SPG11: variants seen among roughly 807,000 people sequenced by gnomAD.
The protein encoded by SPG11 is spatacsin.
Under a neutral mutation model 274.0 loss-of-function variants are expected in SPG11, and 222 were observed. That is an observed-to-expected ratio of 0.81 (90% CI 0.73 to 0.91). SPG11 has a LOEUF of 0.91. Among genes scored for constraint, SPG11 ranks in the 40% least tolerant of loss-of-function variants. The pLI, the probability that SPG11 is intolerant of heterozygous loss-of-function variation, is 0.00. For synonymous variants in SPG11, 1,144 were observed against 1,039.7 expected, an observed-to-expected ratio of 1.10 and a Z score of -1.93; for missense variants, 3,114 against 2,872.7, an observed-to-expected ratio of 1.08 and a Z score of -1.92.
chr15:44,605,437 T>C (rs370160584), intron 20 of SPG11, among the ~76,000 whole-genome samples: 35 of 152,230 alleles, frequency 2.3e-4, no homozygotes, highest in Non-Finnish European at 3.1e-4. Flanking sequence ...TAGGGTAATA[T>C]AGGCAGAGGC....
rs1328426776 is a variant in SPG11, at chr15:44,595,413, A to G, written c.4481T>C (p.Val1494Ala). ...SCLCVWIITS[V>A]EDNVATEAMG... ...TGCTTCAGTTGCAACATTGTCCTCC[A>G]CAGAAGTGATGATCCAAACACAGAG... The change falls in exon 26 of 40, where the codon GTG becomes GCG. Residue 1494 changes from valine (V) to alanine (A), a missense_variant. Coordinates refer to ENST00000261866, the MANE Select transcript of SPG11 (RefSeq NM_025137.4). 2 of 1,614,186 alleles carry G rather than the reference A, an allele frequency of 1.2e-6. No homozygotes were observed. Among genetic ancestry groups the G allele is most frequent in the South Asian group, 2.2e-5 (2 of 91,090 alleles).
chr15:44,589,223 T>A, intron 28 of SPG11, 29 bp downstream of exon 28: 1 of 1,611,812 alleles, frequency 6.2e-7, no homozygotes, highest in Non-Finnish European at 8.5e-7. Flanking sequence ...AACTTCTTAA[T>A]AGCAACTTAA....
intron 1 of SPG11, among the ~76,000 whole-genome samples, chr15:44,662,455 C>T (rs940210200): frequency 6.6e-6 from 1 of 151,890 alleles, no homozygotes; most frequent in Admixed American, 6.6e-5. Flanking sequence ...ATCACTTGAG[C>T]CCAGGAGCTT....
intron 21 of SPG11, 149 bp from the exon 22 acceptor site, chr15:44,598,985 C>T (rs139036671): frequency 1.0e-4 from 82 of 783,112 alleles, no homozygotes; most frequent in Admixed American, 4.7e-4. Flanking sequence ...TGCACATACC[C>T]GTTTAGGTTC....
At chr15:44,636,942 A>AAAAC (rs1289544862) in intron 7 of SPG11, among the ~76,000 whole-genome samples, 2 of 115,228 alleles carry the variant, frequency 1.7e-5, no homozygotes, top group African/African-American at 6.9e-5. Context: ...AAAAAAAAAA[A>AAAAC]AAAAAAAAAA....
chr15:44,649,221 CAG>C (rs768171690), intron 6 of SPG11, among the ~76,000 whole-genome samples: 8 of 151,964 alleles, frequency 5.3e-5, no homozygotes, highest in Non-Finnish European at 1.0e-4. Flanking sequence ...TTTTTAGAGA[CAG>C]AGTCTCCCTC....
chr15:44,615,345 T>G lies in SPG11; in HGVS notation c.3038+18A>C, dbSNP rs904499208. 1 of 1,611,292 alleles carries G rather than the reference T, an allele frequency of 6.2e-7. No individual in the cohort carries two copies. Among genetic ancestry groups the G allele is most frequent in the African/African-American group, 1.3e-5 (1 of 74,858 alleles). ...ATGTGAAGACCTGCTCAAGGACAAA[T>G]GCATTCTCAGTACTCACTTGTAACA... On this transcript the variant is annotated intron_variant, in intron 16 of 39. Transcript: ENST00000261866.
intron 14 of SPG11, 177 bp from the exon 15 acceptor site, chr15:44,620,580 T>C (rs976763130): frequency 6.8e-6 from 4 of 589,934 alleles, no homozygotes; most frequent in African/African-American, 3.7e-5. Flanking sequence ...CTCGCTGTGT[T>C]GCCCAGGCTG....
intron 28 of SPG11, chr15:44,588,585 C>T (rs148770227): frequency 0.02 from 7,504 of 383,780 alleles, 122 homozygotes; most frequent in Non-Finnish European, 0.027. Flanking sequence ...AAGGCTGGGC[C>T]GTTTGCATAG....
chr15:44,610,087 G>C lies in SPG11; in HGVS notation c.3291+753C>G, dbSNP rs137942663. On this transcript the variant is annotated intron_variant, in intron 18 of 39. Coordinates refer to ENST00000261866, the MANE Select transcript of SPG11 (RefSeq NM_025137.4). Reference sequence around the variant, plus strand: ...CCGGCTAGTTTTTGTATTTTTAGTAGAGACGGGGTTTCAGCATGTTGGCCA... The same window carrying C: ...CCGGCTAGTTTTTGTATTTTTAGTACAGACGGGGTTTCAGCATGTTGGCCA... Among the ~76,000 whole-genome samples, 7 of 151,952 alleles carry C rather than the reference G, an allele frequency of 4.6e-5. No individual in the cohort carries two copies. The South Asian group carries it at 6.3e-4, about 14-fold the overall frequency.
At chr15:44,592,185 G>T (rs1448861322) in intron 27 of SPG11, 146 bp downstream of exon 27, 2 of 653,950 alleles carry the variant, frequency 3.1e-6, no homozygotes, top group Non-Finnish European at 5.5e-6. Context: ...CTTGAGCCCA[G>T]GAGTTCAAGG....
intron 7 of SPG11, among the ~76,000 whole-genome samples, chr15:44,638,199 C>G (rs562448839): frequency 1.3e-5 from 2 of 152,274 alleles, no homozygotes; most frequent in Non-Finnish European, 2.9e-5. Flanking sequence ...TGGTGGCTCA[C>G]GCCTGTAATC....
chr15:44,626,649 G>C, intron 10 of SPG11, 142 bp from the exon 11 acceptor site: 1 of 866,726 alleles, frequency 1.2e-6, no homozygotes. Context: ...TTAGGTTCAA[G>C]GGATATTAAA....
chr15:44,573,573 T>A lies in SPG11; in HGVS notation c.6179A>T (p.Glu2060Val). 6.2e-7 allele frequency: 1 copy of A among 1,614,116 alleles called. No homozygotes were observed. The highest frequency in any genetic ancestry group is 8.5e-7 in the Non-Finnish European group (1 of 1,180,020). The change falls in exon 32 of 40, where the codon GAG becomes GTG. Residue 2060 changes from glutamate (E) to valine (V), a missense_variant. Coordinates refer to ENST00000261866, the MANE Select transcript of SPG11 (RefSeq NM_025137.4). Reference protein sequence around the residue: ...AELVAEEVTRELLTSSQGTGH... With the variant: ...AELVAEEVTRVLLTSSQGTGH... ...TGTTCCCTGTGATGAAGTAAGCAGC[T>A]CCCGTGTCACCTCTTCTGCCACGAG...
chr15:44,604,526 C>T (rs1323165478), intron 20 of SPG11, among the ~76,000 whole-genome samples: 3 of 152,156 alleles, frequency 2.0e-5, no homozygotes, highest in Admixed American at 6.5e-5. Context: ...TTACTCTGGC[C>T]TGGTGCAGAA....
intron 8 of SPG11, among the ~76,000 whole-genome samples, chr15:44,632,390 C>G (rs1464893236): frequency 1.3e-5 from 2 of 151,958 alleles, no homozygotes; most frequent in Non-Finnish European, 2.9e-5. Flanking sequence ...CCCTGTTGTT[C>G]TAAGGAGAGA....
intron 7 of SPG11, among the ~76,000 whole-genome samples, chr15:44,638,710 T>C (rs753095515): frequency 1.3e-5 from 2 of 152,178 alleles, no homozygotes; most frequent in Non-Finnish European, 2.9e-5. Context: ...GATAATTATT[T>C]GTTGGCCAAG....
Position 44,587,241 on chromosome 15 carries a change from A to G in SPG11, c.4907-1391T>C, listed in dbSNP as rs577238698. 2.0e-4 allele frequency among the ~76,000 whole-genome samples: 30 copies of G among 152,326 alleles called. No homozygotes were observed. The East Asian group carries it at 5.8e-3, about 29-fold the overall frequency. ...GTTTGCTCCCTTTCCCAAACAGTCT[A>G]AGTAGAGTCTATGTGTGTCCTACCA... On this transcript the variant is annotated intron_variant, in intron 28 of 39. Coordinates refer to ENST00000261866, the MANE Select transcript of SPG11 (RefSeq NM_025137.4).
intron 1 of SPG11, among the ~76,000 whole-genome samples, chr15:44,661,156 C>G (rs974592856): frequency 2.0e-5 from 3 of 152,124 alleles, no homozygotes; most frequent in Admixed American, 6.5e-5. Flanking sequence ...CCACATGCAG[C>G]TACTGAACAC....
Sources: allele counts gnomAD v4.1 joint callset (sites outside exome capture counted in the v4.1 genomes callset), GRCh38; gene constraint gnomAD v4.1.1; transcripts MANE v1.5; gene names NCBI Gene and HGNC (gene_info 2026-07-23, HGNC 2026-07-21).